DSCAML1: variants seen among roughly 807,000 people sequenced by gnomAD.
DSCAML1 encodes the protein DS cell adhesion molecule like 1, also known as cell adhesion molecule DSCAML1.
A neutral mutation model predicts 200.5 loss-of-function variants in DSCAML1; 38 were observed. That is an observed-to-expected ratio of 0.19 (90% confidence interval 0.15 to 0.25). The LOEUF (loss-of-function observed/expected upper bound fraction) is 0.25, where lower values mean the gene tolerates loss of function less well. Ranked by LOEUF, DSCAML1 falls within the 10% of genes least tolerant of loss-of-function variation. The pLI, the probability that DSCAML1 is intolerant of heterozygous loss-of-function variation, is 1.00. For missense variants in DSCAML1, 2,223 were observed against 2,858.8 expected, an observed-to-expected ratio of 0.78 and a Z score of 5.07; for synonymous variants, 1,215 against 1,165.0, an observed-to-expected ratio of 1.04 and a Z score of -0.87.
At chr11:117,459,519 T>C (rs1258401929) in intron 18 of DSCAML1, among the ~76,000 whole-genome samples, 1 of 152,212 alleles carries the variant, frequency 6.6e-6, no homozygotes, top group Non-Finnish European at 1.5e-5. Context: ...CACCCAGCCA[T>C]TCCCTGCACA....
rs58257943 is a variant in DSCAML1, at chr11:117,649,041, ATGTGTGTGTGTGTG to A, written c.512-116533_512-116520del. Among the ~76,000 whole-genome samples, 80 of 137,932 alleles carry A rather than the reference ATGTGTGTGTGTGTG, an allele frequency of 5.8e-4. 2 individuals are homozygous for A. The highest frequency in any genetic ancestry group is 1.6e-3 in the South Asian group (7 of 4,278). The allele number at this position is 137,932 out of a possible 152,430, so 90.5% of individuals were successfully genotyped here. A position where few individuals can be genotyped will look rare whatever the true frequency, so the allele number is the denominator to read the frequency against. On this transcript the variant is annotated intron_variant, in intron 3 of 32. Transcript: ENST00000651296. The stretch of plus-strand genomic sequence containing the variant: ...TCTCGCTCTCTCTCTCTCCATATAT[ATGTGTGTGTGTGTG>A]TGTGTGTGTGTGTGTGTGTGTGTGT...
chr11:117,745,840 T>C (rs2054507679), intron 3 of DSCAML1, among the ~76,000 whole-genome samples: 1 of 152,122 alleles, frequency 6.6e-6, no homozygotes, highest in African/African-American at 2.4e-5. Context: ...GTCTGTAACA[T>C]GGAGATAATA....
chr11:117,714,115 G>C (rs2053904232), intron 3 of DSCAML1, among the ~76,000 whole-genome samples: 1 of 152,214 alleles, frequency 6.6e-6, no homozygotes. Flanking sequence ...TAGGGTTGTT[G>C]TCAAGATTAA....
intron 1 of DSCAML1, among the ~76,000 whole-genome samples, chr11:117,783,702 C>T (rs1367011905): frequency 6.6e-6 from 1 of 152,144 alleles, no homozygotes; most frequent in Admixed American, 6.5e-5. Flanking sequence ...GGGCTAGAAC[C>T]CAGCTTTGCC....
chr11:117,531,755 G>C (rs1252438545), intron 4 of DSCAML1, among the ~76,000 whole-genome samples: 1 of 152,034 alleles, frequency 6.6e-6, no homozygotes, highest in East Asian at 1.9e-4. Context: ...GCGTGGTGGC[G>C]CATGCCTATA....
rs557817389 is a variant in DSCAML1 at position 117,444,665 on chromosome 11, A to C, written c.3709-626T>G. Among the ~76,000 whole-genome samples, 525 of 152,258 alleles carry C rather than the reference A, an allele frequency of 3.4e-3. 3 individuals are homozygous for C. The highest frequency in any genetic ancestry group is 5.8e-3 in the Non-Finnish European group (397 of 68,012). On this transcript the variant is annotated intron_variant, in intron 20 of 32. Coordinates refer to ENST00000651296, the MANE Select transcript of DSCAML1 (RefSeq NM_020693.4). ...TTTGTAGGTTATACAAATCTATAAA[A>C]TTTTTTTTAACAAAATGACAGTTTT...
In DSCAML1 at chr11:117,518,647, G is replaced by A. The variant is rs776652070; in HGVS notation, c.1329C>T (p.Leu443=). 5 of 1,613,280 alleles carry A rather than the reference G, an allele frequency of 3.1e-6. No individual in the cohort carries two copies. The highest frequency in any genetic ancestry group is 2.2e-5 in the East Asian group (1 of 44,880). The change falls in exon 7 of 33, where the codon CTC becomes CTT. Residue 443 remains leucine (L), a synonymous_variant. Coordinates refer to ENST00000651296, the MANE Select transcript of DSCAML1 (RefSeq NM_020693.4). This position sits in a 1 kb window ranked among gnomAD's most constrained non-coding sequence, Gnocchi z 6.3. ...GAPPPTVTWA[L]DDEPIVRDGS... ...CATCCCGCACGATGGGCTCATCGTC[G>A]AGGGCCCAGGTGACCGTGGGGGGCG...
At chr11:117,708,901 A>C (rs2053797672) in intron 3 of DSCAML1, among the ~76,000 whole-genome samples, 1 of 152,186 alleles carries the variant, frequency 6.6e-6, no homozygotes, top group Non-Finnish European at 1.5e-5. Flanking sequence ...AATCATCTCA[A>C]GTTCATTTAA....
chr11:117,481,083 G>T, intron 13 of DSCAML1, 91 bp downstream of exon 13: 1 of 1,241,734 alleles, frequency 8.1e-7, no homozygotes, highest in Non-Finnish European at 1.2e-6. Context: ...CCATGGCGTA[G>T]GCTGTGGCCC....
intron 3 of DSCAML1, among the ~76,000 whole-genome samples, chr11:117,556,371 C>A (rs145865458): frequency 6.6e-6 from 1 of 152,116 alleles, no homozygotes; most frequent in African/African-American, 2.4e-5. Flanking sequence ...CCACAGAGGG[C>A]CACAGAAGGT....
At chr11:117,599,465 T>G (rs1565817370) in intron 3 of DSCAML1, among the ~76,000 whole-genome samples, 1 of 152,228 alleles carries the variant, frequency 6.6e-6, no homozygotes, top group Non-Finnish European at 1.5e-5. Context: ...CTTTTGAGTA[T>G]GAATGCCTTT....
intron 3 of DSCAML1, among the ~76,000 whole-genome samples, chr11:117,759,449 A>AG (rs975335253): frequency 1.3e-5 from 2 of 152,166 alleles, no homozygotes; most frequent in African/African-American, 4.8e-5. Context: ...TCCGACCCTG[A>AG]GGGGGGCCTC....
chr11:117,476,686 G>A (rs748056867), intron 14 of DSCAML1, among the ~76,000 whole-genome samples: 1 of 152,234 alleles, frequency 6.6e-6, no homozygotes, highest in Admixed American at 6.5e-5. Flanking sequence ...ATAGATTTGC[G>A]TGGATGGTGC....
chr11:117,712,979 C>T (rs929782084), intron 3 of DSCAML1, among the ~76,000 whole-genome samples: 1 of 152,044 alleles, frequency 6.6e-6, no homozygotes, highest in East Asian at 1.9e-4. Context: ...CTTCCCAACT[C>T]CCCTTTTGCA....
chr11:117,694,494 TA>T (rs2053554624), intron 3 of DSCAML1, among the ~76,000 whole-genome samples: 1 of 152,154 alleles, frequency 6.6e-6, no homozygotes, highest in African/African-American at 2.4e-5. Flanking sequence ...AACTAAGGTT[TA>T]TAGAGCGCCT....
In DSCAML1 at chr11:117,549,760, G is replaced by T. The variant is rs574284354; in HGVS notation, c.512-17238C>A. 1.2e-4 allele frequency among the ~76,000 whole-genome samples: 18 copies of T among 152,312 alleles called. No homozygotes were observed. The South Asian group carries it at 2.7e-3, about 23-fold the overall frequency. ...CTCCCATTTTCCTCTTCTTAGAACTGTTAAAAATCCTCTGCTGCTGCTCAA... is the reference window on the plus strand; with the variant it reads ...CTCCCATTTTCCTCTTCTTAGAACTTTTAAAAATCCTCTGCTGCTGCTCAA... On this transcript the variant is annotated intron_variant, in intron 3 of 32. Transcript: ENST00000651296.
chr11:117,735,574 C>T (rs2054302668), intron 3 of DSCAML1, among the ~76,000 whole-genome samples: 1 of 152,198 alleles, frequency 6.6e-6, no homozygotes. Context: ...AAGAAGAAGG[C>T]TGGCCCTCCA....
At chr11:117,603,076 C>A (rs1451400306) in intron 3 of DSCAML1, among the ~76,000 whole-genome samples, 2 of 152,000 alleles carry the variant, frequency 1.3e-5, no homozygotes, top group Admixed American at 6.5e-5. Flanking sequence ...AGCTCGAGGA[C>A]AAAGTGAGAC....
intron 1 of DSCAML1, among the ~76,000 whole-genome samples, chr11:117,794,169 G>T (rs1253595124): frequency 6.6e-6 from 1 of 152,000 alleles, no homozygotes; most frequent in East Asian, 1.9e-4. Context: ...GGTGGGAAAT[G>T]AAAAAATCAA....
Sources: allele counts gnomAD v4.1 joint callset (sites outside exome capture counted in the v4.1 genomes callset), GRCh38; gene constraint gnomAD v4.1.1; non-coding constraint Gnocchi (gnomAD v3.1); transcripts MANE v1.5; gene names NCBI Gene and HGNC (gene_info 2026-07-23, HGNC 2026-07-21).